CDK19: variants seen among roughly 807,000 people sequenced by gnomAD.
The protein encoded by CDK19 is cyclin-dependent kinase 19.
In CDK19, 20 loss-of-function variants were observed where a neutral mutation model predicts 68.3. The ratio of observed to expected loss-of-function variants is 0.29; its 90% CI spans 0.21 to 0.43. CDK19 has a LOEUF of 0.43. CDK19 is among the 20% of genes least tolerant of loss of function. The pLI is 1.00. For missense variants in CDK19, 339 were observed against 623.5 expected (o/e 0.54, Z 4.86); for synonymous variants, 221 against 222.8 (o/e 0.99, Z 0.07).
At chr6:110,660,542 C>A (rs983046680) in intron 4 of CDK19, among the ~76,000 whole-genome samples, 3 of 152,078 alleles carry the variant, frequency 2.0e-5, no homozygotes, top group Non-Finnish European at 2.9e-5. Context: ...GTCGCCTGGG[C>A]AAACTGAAGA....
intron 2 of CDK19, among the ~76,000 whole-genome samples, chr6:110,671,860 C>A (rs1771038853): frequency 6.6e-6 from 1 of 152,158 alleles, no homozygotes; most frequent in Admixed American, 6.5e-5. Flanking sequence ...TCACTGCAAC[C>A]TCCGCCTCCA....
intron 4 of CDK19, among the ~76,000 whole-genome samples, chr6:110,664,985 C>A (rs1222222766): frequency 6.6e-6 from 1 of 152,010 alleles, no homozygotes; most frequent in Non-Finnish European, 1.5e-5. Flanking sequence ...CTCAATAGTT[C>A]AGTAGTAAAG....
chr6:110,641,456 G>A (rs775498108), intron 4 of CDK19, among the ~76,000 whole-genome samples: 2 of 151,920 alleles, frequency 1.3e-5, no homozygotes, highest in Non-Finnish European at 2.9e-5. Context: ...AATTAGCCAG[G>A]CATGGTGGCA....
In CDK19 at chr6:110,611,443, G is replaced by A. The variant is rs1344997060; in HGVS notation, c.*3092C>T. 1 of 152,242 alleles carries A rather than the reference G, an allele frequency of 6.6e-6. No homozygotes were observed. The highest frequency in any genetic ancestry group is 1.5e-5 in the Non-Finnish European group (1 of 68,060). 9.4% of individuals were successfully genotyped at this position (152,242 alleles called of 1,614,324 possible). ...AAGTTTGCCCTCAAAAAGCTTCAAA[G>A]GTCTCCTTAGAGGTCCCACGGTTTG... On this transcript the variant is annotated 3_prime_UTR_variant, in exon 13 of 13. Coordinates refer to ENST00000368911, the MANE Select transcript of CDK19 (RefSeq NM_015076.5).
chr6:110,798,731 T>A (rs1451453940), intron 1 of CDK19, among the ~76,000 whole-genome samples: 2 of 147,634 alleles, frequency 1.4e-5, no homozygotes, highest in African/African-American at 5.0e-5. Context: ...AAAAAAAAAA[T>A]TCTTAATATT....
intron 8 of CDK19, among the ~76,000 whole-genome samples, chr6:110,626,168 G>A (rs1305212364): frequency 6.6e-6 from 1 of 152,114 alleles, no homozygotes; most frequent in Non-Finnish European, 1.5e-5. Context: ...CTAAAACATA[G>A]CAGATATAAA....
chr6:110,811,502 C>T (rs1265923467), intron 1 of CDK19, among the ~76,000 whole-genome samples: 1 of 152,118 alleles, frequency 6.6e-6, no homozygotes, highest in Non-Finnish European at 1.5e-5. Context: ...CCTGCCTCGG[C>T]TTCCCAAAGT....
chr6:110,765,481 A>G (rs971530111), intron 1 of CDK19, among the ~76,000 whole-genome samples: 3 of 152,054 alleles, frequency 2.0e-5, no homozygotes, highest in Admixed American at 2.0e-4. Context: ...GATTGAGACC[A>G]TCCTGCCCAA....
intron 1 of CDK19, among the ~76,000 whole-genome samples, chr6:110,753,899 T>G (rs1302360350): frequency 6.6e-6 from 1 of 152,176 alleles, no homozygotes; most frequent in Non-Finnish European, 1.5e-5. Context: ...TCCCCAAGCT[T>G]CTTACTTTTT....
chr6:110,737,197 CCACA>C (rs752655652), intron 2 of CDK19, among the ~76,000 whole-genome samples: 42 of 152,186 alleles, frequency 2.8e-4, no homozygotes, highest in Non-Finnish European at 4.7e-4. Flanking sequence ...ACTTGTGTTA[CCACA>C]CCATCCCATC....
chr6:110,782,086 A>T (rs1780865802), intron 1 of CDK19, among the ~76,000 whole-genome samples: 1 of 152,260 alleles, frequency 6.6e-6, no homozygotes, highest in African/African-American at 2.4e-5. Context: ...ATTAGAGATA[A>T]GGGCATGATA....
intron 4 of CDK19, among the ~76,000 whole-genome samples, chr6:110,647,668 A>T (rs1015860014): frequency 6.6e-6 from 1 of 152,246 alleles, no homozygotes; most frequent in African/African-American, 2.4e-5. Context: ...AATCTTTCTG[A>T]GAAAACACCA....
intron 6 of CDK19, among the ~76,000 whole-genome samples, chr6:110,629,698 G>A (rs978603475): frequency 2.0e-5 from 3 of 152,182 alleles, no homozygotes; most frequent in African/African-American, 7.2e-5. Flanking sequence ...AGAAGAGTAC[G>A]AAAAAGTGAA....
intron 2 of CDK19, among the ~76,000 whole-genome samples, chr6:110,671,092 A>G (rs77452653): frequency 0.028 from 4,270 of 152,094 alleles, 83 homozygotes; most frequent in South Asian, 0.082. Context: ...TTTGAAGAGT[A>G]GTGAGTATAA....
At chr6:110,668,194 A>G in intron 3 of CDK19, among the ~76,000 whole-genome samples, 1 of 152,186 alleles carries the variant, frequency 6.6e-6, no homozygotes, top group Middle Eastern at 3.2e-3. Context: ...TTGTACTGAA[A>G]GGGAAAAAAT....
chr6:110,625,373 C>A (rs1779023655), intron 8 of CDK19, among the ~76,000 whole-genome samples: 1 of 151,956 alleles, frequency 6.6e-6, no homozygotes, highest in Non-Finnish European at 1.5e-5. Flanking sequence ...GTTGCCCAGG[C>A]TAGTCTCAAA....
At chr6:110,670,598 T>C (rs1236734579) in intron 2 of CDK19, 57 bp from the exon 3 acceptor site, 4 of 1,019,350 alleles carry the variant, frequency 3.9e-6, no homozygotes, top group African/African-American at 1.6e-5. Context: ...GGGGAAATGA[T>C]GAATGTCTTA....
chr6:110,638,720 T>C lies in CDK19; in HGVS notation c.457-14A>G, dbSNP rs201885748. Reference sequence around the variant, plus strand: ...ATTTGCTGGTTTCTAGAAATAAAAATAGAGCATTCAAATTACCATGTTTAT... The same window carrying C: ...ATTTGCTGGTTTCTAGAAATAAAAACAGAGCATTCAAATTACCATGTTTAT... On this transcript the variant is annotated splice_polypyrimidine_tract_variant and intron_variant, in intron 4 of 12. Coordinates refer to ENST00000368911, the MANE Select transcript of CDK19 (RefSeq NM_015076.5). 6.9e-7 allele frequency: 1 copy of C among 1,454,704 alleles called. No homozygotes were observed. The highest frequency in any genetic ancestry group is 1.4e-5 in the African/African-American group (1 of 71,818). The allele number at this position is 1,454,704 out of a possible 1,614,324, so 90.1% of individuals were successfully genotyped here.
In CDK19 at chr6:110,815,462, A is replaced by C. The variant is rs932738193; in HGVS notation, c.-326T>G. ...CGTGGCTTCCTCGAGCTCATTAGCG[A>C]ACTCACTGGCCCGCCCCATGGTCGC... On this transcript the variant is annotated 5_prime_UTR_variant, in exon 1 of 13. Transcript: ENST00000368911. 9.3e-6 allele frequency: 2 copies of C among 214,684 alleles called. No individual in the cohort carries two copies. The highest frequency in any genetic ancestry group is 1.8e-5 in the Non-Finnish European group (2 of 109,814). The allele number at this position is 214,684 out of a possible 1,614,324, so 13.3% of individuals were successfully genotyped here. A position where few individuals can be genotyped will look rare whatever the true frequency, so the allele number is the denominator to read the frequency against.
Sources: gnomAD v4.1 joint callset for allele counts (sites outside exome capture counted in the v4.1 genomes callset) on GRCh38, gnomAD v4.1.1 for gene constraint, MANE v1.5 for transcripts, NCBI Gene and HGNC (gene_info 2026-07-23, HGNC 2026-07-21) for gene names.